The following TDRD12 variants were observed in gnomAD, a reference collection of about 807,000 sequenced individuals.
The protein encoded by TDRD12 is tudor domain containing 12, also known as putative ATP-dependent RNA helicase TDRD12.
Under a neutral mutation model 133.5 loss-of-function variants are expected in TDRD12, and 158 were observed. The ratio of observed to expected loss-of-function variants is 1.18; its 90% CI spans 1.04 to 1.35. The LOEUF is 1.35. TDRD12 is among the 40% of genes most tolerant of loss of function. The probability of loss-of-function intolerance (pLI) is 0.00; values close to 1 mark genes in which losing one functional copy is unlikely to be tolerated. For synonymous variants in TDRD12, 460 were observed against 477.9 expected, an observed-to-expected ratio of 0.96 and a Z score of 0.49; for missense variants, 1,443 against 1,321.3, an observed-to-expected ratio of 1.09 and a Z score of -1.43.
intron 4 of TDRD12, among the ~76,000 whole-genome samples, chr19:32,744,078 C>T (rs1490028906): frequency 6.6e-6 from 1 of 151,016 alleles, no homozygotes; most frequent in Non-Finnish European, 1.5e-5. Flanking sequence ...ACATACGTAT[C>T]TCTTCTTTCT....
At chr19:32,728,047 G>A (rs1968915614) in intron 1 of TDRD12, among the ~76,000 whole-genome samples, 1 of 152,064 alleles carries the variant, frequency 6.6e-6, no homozygotes, top group Non-Finnish European at 1.5e-5. Flanking sequence ...GAATGGTTTT[G>A]GTACCCTTGT....
intron 8 of TDRD12, among the ~76,000 whole-genome samples, chr19:32,764,572 G>A (rs578114630): frequency 6.4e-4 from 98 of 152,306 alleles, no homozygotes; most frequent in African/African-American, 2.2e-3. Context: ...AAAAATAGGT[G>A]CTTTGCTGTT....
chr19:32,776,089 T>C (rs1970575386), intron 10 of TDRD12, among the ~76,000 whole-genome samples: 1 of 151,912 alleles, frequency 6.6e-6, no homozygotes, highest in South Asian at 2.1e-4. Context: ...TTGGGGCGAG[T>C]TGGGGCTTGT....
exon 10 of TDRD12, chr19:32,827,373 T>TTTTCTTTA: frequency 2.8e-5 from 3 of 107,360 alleles, no homozygotes; most frequent in Non-Finnish European, 2.8e-5. Flanking sequence ...TTTTCTTTTC[T>TTTTCTTTA]TTTTTTTTTT....
At chr19:32,783,638 C>CA (rs1970829143) in intron 11 of TDRD12, among the ~76,000 whole-genome samples, 1 of 152,090 alleles carries the variant, frequency 6.6e-6, no homozygotes, top group Non-Finnish European at 1.5e-5. Context: ...CTCTTATTTT[C>CA]TTGAGCAGTG....
exon 10 of TDRD12, chr19:32,827,215 G>T: frequency 8.1e-7 from 1 of 1,232,078 alleles, no homozygotes; most frequent in Non-Finnish European, 1.0e-6. Context: ...GTTGAAGACA[G>T]TAGCAGCACT....
At chr19:32,783,091 T>C (rs1172221063) in intron 11 of TDRD12, among the ~76,000 whole-genome samples, 1 of 152,214 alleles carries the variant, frequency 6.6e-6, no homozygotes, top group African/African-American at 2.4e-5. Context: ...ATTTTTATGG[T>C]CCTAGGTCTT....
At chr19:32,733,956 A>G (rs1969142325) in intron 2 of TDRD12, among the ~76,000 whole-genome samples, 1 of 149,138 alleles carries the variant, frequency 6.7e-6, no homozygotes, top group Non-Finnish European at 1.5e-5. Flanking sequence ...CAGTGGCGCC[A>G]TCTCTGCTCA....
At chr19:32,814,656 T>G (rs755252777) in intron 25 of TDRD12, among the ~76,000 whole-genome samples, 2 of 152,000 alleles carry the variant, frequency 1.3e-5, no homozygotes, top group African/African-American at 4.8e-5. Flanking sequence ...GAGATTGAAG[T>G]AAAAAAGAAA....
chr19:32,773,331 T>A, intron 9 of TDRD12, 125 bp from the exon 10 acceptor site: 1 of 801,812 alleles, frequency 1.2e-6, no homozygotes. Flanking sequence ...TATCTCTGTG[T>A]GTGCATGAAA....
At chr19:32,809,984 A>G in intron 22 of TDRD12, 109 bp from the exon 23 acceptor site, 1 of 653,782 alleles carries the variant, frequency 1.5e-6, no homozygotes, top group Non-Finnish European at 2.2e-6. Context: ...CACGTTGCTA[A>G]GCTTTGGTTT....
At chr19:32,785,834 A>G (rs1038813063) in intron 11 of TDRD12, among the ~76,000 whole-genome samples, 3 of 151,756 alleles carry the variant, frequency 2.0e-5, no homozygotes, top group African/African-American at 7.3e-5. Flanking sequence ...TTTGCACGTG[A>G]GATGGGTCTC....
intron 22 of TDRD12, 88 bp downstream of exon 22, chr19:32,807,736 G>T (rs1187290119): frequency 8.6e-6 from 8 of 925,654 alleles, no homozygotes; most frequent in Admixed American, 2.6e-5. Context: ...CTTAGTAGAT[G>T]TCATGGTGCC....
At chr19:32,731,620 G>C in intron 1 of TDRD12, 105 bp from the exon 2 acceptor site, 1 of 1,054,566 alleles carries the variant, frequency 9.5e-7, no homozygotes, top group African/African-American at 1.6e-5. Context: ...TCAAGAATTT[G>C]TTAGGTCACT....
intron 11 of TDRD12, among the ~76,000 whole-genome samples, chr19:32,781,133 C>T (rs185968904): frequency 2.6e-5 from 4 of 152,064 alleles, no homozygotes; most frequent in Admixed American, 1.3e-4. Context: ...TTAGTAGAGA[C>T]GGGGTTTCAC....
intron 2 of TDRD12, among the ~76,000 whole-genome samples, chr19:32,737,035 A>G (rs933034293): frequency 6.6e-6 from 1 of 152,196 alleles, no homozygotes; most frequent in African/African-American, 2.4e-5. Context: ...GTTGGGCAAG[A>G]TCACCTAATA....
In TDRD12 at chr19:32,738,836, A is replaced by G; in HGVS notation, c.184-20A>G. The G allele has an allele frequency of 6.5e-7, 1 of 1,546,308 alleles. No individual in the cohort carries two copies. On this transcript the variant is annotated intron_variant, in intron 2 of 27. Coordinates refer to ENST00000444215, the Ensembl canonical transcript of TDRD12. Reference sequence around the variant, plus strand: ...TCAAAAAAATAAATAAATAAAAATAACTCTCTGTTTATTTTGCAGGTGTGT... The same window carrying G: ...TCAAAAAAATAAATAAATAAAAATAGCTCTCTGTTTATTTTGCAGGTGTGT...
chr19:32,812,087 G>C (rs951558942), intron 24 of TDRD12, among the ~76,000 whole-genome samples: 1 of 152,240 alleles, frequency 6.6e-6, no homozygotes, highest in Non-Finnish European at 1.5e-5. Context: ...AAATAGAACA[G>C]ATGGGGCGTT....
At chr19:32,815,941 C>T (rs912684925) in intron 26 of TDRD12, among the ~76,000 whole-genome samples, 2 of 151,912 alleles carry the variant, frequency 1.3e-5, no homozygotes, top group African/African-American at 4.8e-5. Context: ...TTGCAGCGAG[C>T]CAAGATCATG....
Sources: allele counts gnomAD v4.1 joint callset (sites outside exome capture counted in the v4.1 genomes callset), GRCh38; gene constraint gnomAD v4.1.1; transcripts MANE v1.5; gene names NCBI Gene and HGNC (gene_info 2026-07-23, HGNC 2026-07-21).